Variants in DPYD observed in about 807,000 individuals in gnomAD.
DPYD encodes the protein dihydropyrimidine dehydrogenase.
In DPYD, 109 loss-of-function variants were observed where a neutral mutation model predicts 116.2. That is an observed-to-expected ratio of 0.94 (90% CI 0.80 to 1.10). The LOEUF (loss-of-function observed/expected upper bound fraction) is 1.10, where lower values mean the gene tolerates loss of function less well. Among genes scored for constraint, DPYD ranks in the 50% least tolerant of loss-of-function variants. DPYD has a pLI of 0.00. For synonymous variants in DPYD, 440 were observed against 432.0 expected (o/e 1.02, Z -0.23); for missense variants, 1,302 against 1,254.5 (o/e 1.04, Z -0.57).
chr1:97,454,515 C>G (rs950027522), intron 13 of DPYD, among the ~76,000 whole-genome samples: 2 of 151,798 alleles, frequency 1.3e-5, no homozygotes, highest in African/African-American at 4.8e-5. Flanking sequence ...ACTGCCATAG[C>G]TCTCATCTTC....
chr1:97,275,974 T>C (rs1475804718), intron 18 of DPYD, among the ~76,000 whole-genome samples: 1 of 152,090 alleles, frequency 6.6e-6, no homozygotes, highest in Non-Finnish European at 1.5e-5. Context: ...CTCTTTTTTT[T>C]CTTTATCTGT....
At chr1:97,378,291 A>C (rs56062554) in intron 15 of DPYD, among the ~76,000 whole-genome samples, 11,165 of 152,146 alleles carry the variant, frequency 0.073, 499 homozygotes, top group African/African-American at 0.12. Context: ...CTGGTCCTAC[A>C]TATCTCTGTA....
At position 97,161,963 on chromosome 1, in the gene DPYD, G is replaced by C. The variant is rs942377316; in HGVS notation, c.2622+31106C>G. On this transcript the variant is annotated intron_variant, in intron 20 of 22. Coordinates refer to ENST00000370192, the MANE Select transcript of DPYD (RefSeq NM_000110.4). Reference sequence around the variant, plus strand: ...ATATGTGCCACATTTTTTTAATCCAGTCTATCATTGTTGGACATTTGGGTT... The same window carrying C: ...ATATGTGCCACATTTTTTTAATCCACTCTATCATTGTTGGACATTTGGGTT... Among the ~76,000 whole-genome samples the C allele has an allele frequency of 9.2e-4, 139 of 151,674 alleles. 1 individual carries two copies. The highest frequency in any genetic ancestry group is 2.0e-4 in the Admixed American group (3 of 15,214).
At chr1:97,729,626 T>A (rs1663474532) in intron 4 of DPYD, among the ~76,000 whole-genome samples, 1 of 152,106 alleles carries the variant, frequency 6.6e-6, no homozygotes, top group Non-Finnish European at 1.5e-5. Flanking sequence ...AAATCACTAA[T>A]CTACCAAACC....
At chr1:97,689,453 T>C (rs189682917) in intron 7 of DPYD, among the ~76,000 whole-genome samples, 43 of 152,150 alleles carry the variant, frequency 2.8e-4, no homozygotes, top group African/African-American at 9.6e-4. Context: ...CAATTATTTG[T>C]TGAGTAAATG....
At chr1:97,491,895 GCACTGCCTTTGGAAAGGCATTTACAAGT>G (rs1553183618) in intron 13 of DPYD, among the ~76,000 whole-genome samples, 2 of 152,080 alleles carry the variant, frequency 1.3e-5, no homozygotes, top group Non-Finnish European at 2.9e-5. Flanking sequence ...TTCCGGGGTA[GCACTGCCTTTGGAAAGGCATTTACAAGT>G]TGGTTTAAAT....
intron 13 of DPYD, among the ~76,000 whole-genome samples, chr1:97,463,809 G>T (rs1214739846): frequency 1.3e-5 from 2 of 152,180 alleles, no homozygotes. Context: ...GAGATCTGTG[G>T]AACTCTGAAC....
intron 20 of DPYD, among the ~76,000 whole-genome samples, chr1:97,134,483 G>T (rs12047910): frequency 1.3e-5 from 2 of 151,980 alleles, no homozygotes; most frequent in African/African-American, 4.8e-5. Context: ...TTCCTCATAC[G>T]TGACAGGATG....
chr1:97,287,274 C>A (rs1279242993), intron 18 of DPYD, among the ~76,000 whole-genome samples: 1 of 152,158 alleles, frequency 6.6e-6, no homozygotes, highest in Non-Finnish European at 1.5e-5. Context: ...GCTGTCTGAT[C>A]GTTCCTCTGG....
intron 18 of DPYD, among the ~76,000 whole-genome samples, chr1:97,246,296 A>G (rs1662714733): frequency 6.6e-6 from 1 of 152,168 alleles, no homozygotes; most frequent in Non-Finnish European, 1.5e-5. Flanking sequence ...GTCTCTTCTC[A>G]GCAAGCTTAT....
chr1:97,504,774 A>G (rs1157494148), intron 13 of DPYD, among the ~76,000 whole-genome samples: 1 of 151,350 alleles, frequency 6.6e-6, no homozygotes, highest in Non-Finnish European at 1.5e-5. Flanking sequence ...AATGTATTAC[A>G]TTGCAAAATA....
At chr1:97,539,003 T>C (rs1650221923) in intron 12 of DPYD, among the ~76,000 whole-genome samples, 1 of 152,182 alleles carries the variant, frequency 6.6e-6, no homozygotes, top group Non-Finnish European at 1.5e-5. Flanking sequence ...AGGATAAAGT[T>C]TGCTGAAGAA....
At chr1:97,527,858 G>A (rs1649269879) in intron 12 of DPYD, among the ~76,000 whole-genome samples, 1 of 148,686 alleles carries the variant, frequency 6.7e-6, no homozygotes, top group African/African-American at 2.5e-5. Flanking sequence ...GGTAGTGTTT[G>A]TTATATTTGA....
intron 14 of DPYD, among the ~76,000 whole-genome samples, chr1:97,429,835 T>A (rs980701871): frequency 2.0e-5 from 3 of 152,146 alleles, no homozygotes; most frequent in Non-Finnish European, 4.4e-5. Flanking sequence ...ACTCTTGTGT[T>A]TTCTCTGGAT....
At chr1:97,375,138 C>T (rs991993051) in intron 15 of DPYD, among the ~76,000 whole-genome samples, 3 of 151,946 alleles carry the variant, frequency 2.0e-5, no homozygotes, top group East Asian at 3.9e-4. Context: ...TTTCCAGTGC[C>T]GCGGTTTATT....
At chr1:97,591,778 C>G (rs979069161) in intron 10 of DPYD, among the ~76,000 whole-genome samples, 1 of 151,708 alleles carries the variant, frequency 6.6e-6, no homozygotes. Context: ...TTCTCAAGTA[C>G]AAACTATGTG....
intron 18 of DPYD, among the ~76,000 whole-genome samples, chr1:97,297,611 C>T (rs1337471572): frequency 6.6e-6 from 1 of 152,162 alleles, no homozygotes; most frequent in Non-Finnish European, 1.5e-5. Context: ...CTCCCTTCCA[C>T]TAATAAAAGG....
chr1:97,247,572 AT>A (rs1246809126), intron 18 of DPYD, among the ~76,000 whole-genome samples: 1 of 152,214 alleles, frequency 6.6e-6, no homozygotes, highest in Non-Finnish European at 1.5e-5. Context: ...GTAGGCATGA[AT>A]TTCTAATGTA....
chr1:97,787,310 T>A (rs1667092543), intron 3 of DPYD, among the ~76,000 whole-genome samples: 1 of 152,216 alleles, frequency 6.6e-6, no homozygotes, highest in Non-Finnish European at 1.5e-5. Flanking sequence ...GTGAGACTTT[T>A]ATCCTAAACA....
Sources: gnomAD v4.1 joint callset for allele counts (sites outside exome capture counted in the v4.1 genomes callset) on GRCh38, gnomAD v4.1.1 for gene constraint, MANE v1.5 for transcripts, NCBI Gene and HGNC (gene_info 2026-07-23, HGNC 2026-07-21) for gene names.